Variants in IL34 observed in about 807,000 individuals in gnomAD.
IL34 encodes the protein interleukin 34.
Under a neutral mutation model 25.3 loss-of-function variants are expected in IL34, and 17 were observed. The observed-to-expected ratio is 0.67, with a 90% CI of 0.46 to 1.01. The LOEUF is 1.01. IL34 is among the 50% of genes least tolerant of loss of function. The pLI is 0.00. For synonymous variants in IL34, 174 were observed against 140.9 expected, an observed-to-expected ratio of 1.23 and a Z score of -1.66; for missense variants, 368 against 312.9, an observed-to-expected ratio of 1.18 and a Z score of -1.33.
chr16:70,638,219 G>A (rs1377053713), intron 1 of IL34, among the ~76,000 whole-genome samples: 1 of 152,018 alleles, frequency 6.6e-6, no homozygotes, highest in Non-Finnish European at 1.5e-5. Flanking sequence ...GCTCATGCCT[G>A]TAACCCCAGC....
intron 1 of IL34, among the ~76,000 whole-genome samples, chr16:70,626,716 G>C (rs1938560128): frequency 6.6e-6 from 1 of 151,920 alleles, no homozygotes; most frequent in South Asian, 2.1e-4. Context: ...TGTCTCCTAT[G>C]TTTTCTTCTA....
rs548894268 is a variant in IL34, at chr16:70,609,163, C to T, written c.-401+29114C>T. ...TGCGATCTCAGCTCACTGCAACCTC[C>T]GCCTCCCCGGTTCAAGCAATTCTCC... On this transcript the variant is annotated intron_variant, in intron 1 of 6. Transcript: ENST00000429149. Among the ~76,000 whole-genome samples the T allele has an allele frequency of 1.2e-4, 18 of 152,256 alleles. No individual in the cohort carries two copies. The East Asian group carries it at 2.5e-3, about 21-fold the overall frequency.
upstream of IL34, among the ~76,000 whole-genome samples, chr16:70,643,764 T>A (rs1275672518): frequency 6.6e-6 from 1 of 152,204 alleles, no homozygotes; most frequent in African/African-American, 2.4e-5. Flanking sequence ...ATCAGAGATT[T>A]AAAAAATAAC....
chr16:70,632,746 A>G (rs146677778), intron 1 of IL34, among the ~76,000 whole-genome samples: 1 of 152,262 alleles, frequency 6.6e-6, no homozygotes, highest in East Asian at 1.9e-4. Flanking sequence ...AGGGAGAGCT[A>G]TGGGGAGGGA....
At chr16:70,632,943 A>AG (rs2051552501) in intron 1 of IL34, among the ~76,000 whole-genome samples, 2 of 152,000 alleles carry the variant, frequency 1.3e-5, no homozygotes, top group Non-Finnish European at 1.5e-5. Context: ...ACTTAAAATA[A>AG]AATTCTTACT....
At chr16:70,613,639 T>G (rs1003050452) in intron 1 of IL34, among the ~76,000 whole-genome samples, 2 of 151,878 alleles carry the variant, frequency 1.3e-5, no homozygotes, top group Non-Finnish European at 1.5e-5. Flanking sequence ...TTTGGGAGGC[T>G]GCGGTGGGTG....
intron 1 of IL34, among the ~76,000 whole-genome samples, chr16:70,607,150 G>A (rs2051018140): frequency 6.6e-6 from 1 of 152,138 alleles, no homozygotes; most frequent in South Asian, 2.1e-4. Context: ...CGCCCAGGCT[G>A]GAGTGCAGTG....
At chr16:70,625,075 G>T (rs2051362174) in intron 1 of IL34, among the ~76,000 whole-genome samples, 1 of 152,096 alleles carries the variant, frequency 6.6e-6, no homozygotes, top group Non-Finnish European at 1.5e-5. Context: ...AATTCAAAGT[G>T]CCATTTTTTG....
chr16:70,621,969 T>C (rs2051292502), intron 1 of IL34, among the ~76,000 whole-genome samples: 1 of 152,028 alleles, frequency 6.6e-6, no homozygotes, highest in Non-Finnish European at 1.5e-5. Flanking sequence ...ATTCACTTCT[T>C]TTGTGATTCT....
At chr16:70,585,481 A>C (rs2050682239) in intron 1 of IL34, among the ~76,000 whole-genome samples, 1 of 151,788 alleles carries the variant, frequency 6.6e-6, no homozygotes, top group Non-Finnish European at 1.5e-5. Context: ...TTACGAGGAG[A>C]TTGAGACCAT....
intron 1 of IL34, among the ~76,000 whole-genome samples, chr16:70,650,089 G>A (rs1275422653): frequency 1.3e-5 from 2 of 152,148 alleles, no homozygotes; most frequent in South Asian, 2.1e-4. Context: ...GTGAGCCTCC[G>A]TGCCCAGCCT....
At chr16:70,583,166 G>C (rs2050653824) in intron 1 of IL34, among the ~76,000 whole-genome samples, 1 of 152,106 alleles carries the variant, frequency 6.6e-6, no homozygotes, top group African/African-American at 2.4e-5. Context: ...AGGCTGAAGT[G>C]CAGTGTCCCG....
chr16:70,594,225 A>C (rs905159593), intron 1 of IL34, among the ~76,000 whole-genome samples: 6 of 152,208 alleles, frequency 3.9e-5, no homozygotes, highest in African/African-American at 1.4e-4. Context: ...CCATCTTAAC[A>C]ATATTGAATC....
At chr16:70,627,727 C>T (rs969128258) in intron 1 of IL34, among the ~76,000 whole-genome samples, 11 of 152,098 alleles carry the variant, frequency 7.2e-5, no homozygotes, top group Non-Finnish European at 1.3e-4. Flanking sequence ...ACTTCAGATC[C>T]CAAAGTGGTG....
chr16:70,641,583 T>G (rs1480602504), upstream of IL34, among the ~76,000 whole-genome samples: 1 of 150,808 alleles, frequency 6.6e-6, no homozygotes, highest in East Asian at 1.9e-4. Flanking sequence ...TTTTACTTTT[T>G]GAGATGGAAT....
upstream of IL34, among the ~76,000 whole-genome samples, chr16:70,645,410 CTG>C (rs2151868606): frequency 6.6e-6 from 1 of 152,258 alleles, no homozygotes; most frequent in Non-Finnish European, 1.5e-5. Context: ...TGGTGTCACT[CTG>C]TAGCCATTTT....
At chr16:70,614,504 A>G (rs180855409) in intron 1 of IL34, among the ~76,000 whole-genome samples, 1 of 152,214 alleles carries the variant, frequency 6.6e-6, no homozygotes, top group South Asian at 2.1e-4. Flanking sequence ...GGAAGCTCAG[A>G]TTCAACAGTG....
intron 4 of IL34, chr16:70,657,347 G>A (rs1234992304): frequency 2.5e-5 from 14 of 553,846 alleles, no homozygotes; most frequent in East Asian, 6.2e-5. Flanking sequence ...TGCAGGCGAT[G>A]CCTCTGAGAC....
At chr16:70,590,851 C>A (rs1383032059) in intron 1 of IL34, among the ~76,000 whole-genome samples, 1 of 152,168 alleles carries the variant, frequency 6.6e-6, no homozygotes, top group Non-Finnish European at 1.5e-5. Context: ...TGCCCCCGCC[C>A]CTGGCAGTCA....
Sources: gnomAD v4.1 joint callset for allele counts (sites outside exome capture counted in the v4.1 genomes callset) on GRCh38, gnomAD v4.1.1 for gene constraint, MANE v1.5 for transcripts, NCBI Gene and HGNC (gene_info 2026-07-23, HGNC 2026-07-21) for gene names.